The following DESI2 variants were observed in gnomAD, a reference collection of about 807,000 sequenced individuals.
DESI2 encodes the protein deubiquitinase DESI2.
DESI2 carries 10 observed loss-of-function variants against 24.1 expected under a neutral mutation model. That is an observed-to-expected ratio of 0.41 (90% CI 0.26 to 0.70). The LOEUF is 0.70. Among genes scored for constraint, DESI2 ranks in the 30% least tolerant of loss-of-function variants. The pLI, the probability that DESI2 is intolerant of heterozygous loss-of-function variation, is 0.29. For synonymous variants in DESI2, 71 were observed against 87.7 expected, an observed-to-expected ratio of 0.81 and a Z score of 1.06; for missense variants, 122 against 234.9, an observed-to-expected ratio of 0.52 and a Z score of 3.14.
At chr1:244,667,634 A>G (rs895823478) in intron 1 of DESI2, among the ~76,000 whole-genome samples, 1 of 152,244 alleles carries the variant, frequency 6.6e-6, no homozygotes, top group Non-Finnish European at 1.5e-5. Context: ...CACAAACTGC[A>G]TTACACTGCC....
At chr1:244,675,718 C>G (rs1676392710) in intron 1 of DESI2, among the ~76,000 whole-genome samples, 1 of 152,122 alleles carries the variant, frequency 6.6e-6, no homozygotes, top group Non-Finnish European at 1.5e-5. Context: ...AGTCTGAGTC[C>G]TATAACTTTT....
chr1:244,677,019 A>AT (rs1676437920), intron 1 of DESI2, among the ~76,000 whole-genome samples: 1 of 150,130 alleles, frequency 6.7e-6, no homozygotes, highest in African/African-American at 2.5e-5. Context: ...CATAATAGAT[A>AT]TTAGTCTCTG....
intron 4 of DESI2, among the ~76,000 whole-genome samples, chr1:244,704,220 G>A (rs1677601272): frequency 6.6e-6 from 1 of 152,184 alleles, no homozygotes; most frequent in Non-Finnish European, 1.5e-5. Flanking sequence ...ATAAGGTACT[G>A]TGAAACCCCT....
chr1:244,696,015 CCA>C (rs1677202760), intron 4 of DESI2, among the ~76,000 whole-genome samples: 1 of 152,242 alleles, frequency 6.6e-6, no homozygotes, highest in African/African-American at 2.4e-5. Context: ...AGCAATCCTC[CCA>C]CCTCAGCCTC....
intron 1 of DESI2, among the ~76,000 whole-genome samples, chr1:244,682,201 C>T (rs1573206685): frequency 6.6e-6 from 1 of 152,120 alleles, no homozygotes; most frequent in Non-Finnish European, 1.5e-5. Flanking sequence ...GCTTGGGTGG[C>T]CAGCTTTTAG....
intron 1 of DESI2, among the ~76,000 whole-genome samples, chr1:244,655,765 A>AG (rs1233100322): frequency 6.6e-6 from 1 of 152,238 alleles, no homozygotes; most frequent in Non-Finnish European, 1.5e-5. Flanking sequence ...TGGCAGGAAT[A>AG]GGGAAAGCGC....
chr1:244,703,864 T>C (rs759022536), intron 4 of DESI2, among the ~76,000 whole-genome samples: 4 of 152,202 alleles, frequency 2.6e-5, no homozygotes, highest in South Asian at 2.1e-4. Flanking sequence ...TTCACTGTGT[T>C]AGCCAGGATG....
intron 1 of DESI2, among the ~76,000 whole-genome samples, chr1:244,681,663 A>G (rs2806614): frequency 0.96 from 145,903 of 152,304 alleles, 70,198 homozygotes; most frequent in East Asian, 1. Context: ...TTACACCAGT[A>G]CCACTATGAA....
At chr1:244,691,838 C>A in intron 3 of DESI2, 41 bp from the exon 4 acceptor site, 2 of 1,467,602 alleles carry the variant, frequency 1.4e-6, no homozygotes, top group Non-Finnish European at 1.8e-6. Context: ...ACAACTATGT[C>A]CTTATTTTTC....
chr1:244,702,232 G>C (rs1223194142), intron 4 of DESI2, among the ~76,000 whole-genome samples: 2 of 152,198 alleles, frequency 1.3e-5, no homozygotes, highest in Non-Finnish European at 2.9e-5. Context: ...ACATTGGCTT[G>C]GCTGGGCACG....
At chr1:244,696,628 C>G (rs758349118) in intron 4 of DESI2, among the ~76,000 whole-genome samples, 3 of 152,126 alleles carry the variant, frequency 2.0e-5, no homozygotes, top group African/African-American at 4.8e-5. Flanking sequence ...TTTCTTCCCC[C>G]CTTTACTTGT....
intron 1 of DESI2, among the ~76,000 whole-genome samples, chr1:244,668,121 A>G (rs531208331): frequency 6.6e-6 from 1 of 152,230 alleles, no homozygotes; most frequent in Non-Finnish European, 1.5e-5. Flanking sequence ...AGGATTGTGA[A>G]TTAATCATCT....
At chr1:244,699,054 C>A (rs1037378659) in intron 4 of DESI2, among the ~76,000 whole-genome samples, 8 of 152,138 alleles carry the variant, frequency 5.3e-5, no homozygotes, top group Non-Finnish European at 1.2e-4. Context: ...AGTGGACTTA[C>A]CAGTTTGCCA....
intron 4 of DESI2, among the ~76,000 whole-genome samples, chr1:244,703,884 T>C (rs1480335550): frequency 1.3e-5 from 2 of 152,040 alleles, no homozygotes; most frequent in Non-Finnish European, 2.9e-5. Flanking sequence ...GGTCTCGATC[T>C]CCTGACCTCA....
intron 1 of DESI2, among the ~76,000 whole-genome samples, chr1:244,654,740 C>T (rs1397473297): frequency 6.6e-6 from 1 of 152,214 alleles, no homozygotes; most frequent in East Asian, 1.9e-4. Flanking sequence ...TTGTGTTCAG[C>T]TGAACACCTT....
At chr1:244,690,646 G>T (rs916657115) in intron 3 of DESI2, among the ~76,000 whole-genome samples, 2 of 151,692 alleles carry the variant, frequency 1.3e-5, no homozygotes, top group Non-Finnish European at 2.9e-5. Context: ...CAGAGGATGC[G>T]GTGAGCTGAG....
At chr1:244,666,721 T>C (rs1047962700) in intron 1 of DESI2, among the ~76,000 whole-genome samples, 3 of 152,196 alleles carry the variant, frequency 2.0e-5, no homozygotes, top group African/African-American at 7.2e-5. Context: ...CACTCTGTAG[T>C]GACCCTGAGG....
intron 3 of DESI2, among the ~76,000 whole-genome samples, chr1:244,690,728 G>T (rs2148809220): frequency 6.6e-6 from 1 of 150,642 alleles, no homozygotes; most frequent in South Asian, 2.1e-4. Context: ...AAAAAAAAGT[G>T]ATATTTAGAA....
Position 244,701,969 on chromosome 1 carries a change from C to G in DESI2, c.352-3587C>G, listed in dbSNP as rs549305409. Among the ~76,000 whole-genome samples the G allele has an allele frequency of 3.3e-5, 5 of 152,254 alleles. No individual in the cohort carries two copies. In the South Asian group the frequency reaches 1.0e-3, roughly 32 times the overall value. ...TTATTTTTACCACTATATGTGTACG[C>G]TTGATTTTCTAGAAGAGGGATTGCT... On this transcript the variant is annotated intron_variant, in intron 4 of 4. Transcript: ENST00000302550.
Sources: gnomAD v4.1 joint callset for allele counts (sites outside exome capture counted in the v4.1 genomes callset) on GRCh38, gnomAD v4.1.1 for gene constraint, MANE v1.5 for transcripts, NCBI Gene and HGNC (gene_info 2026-07-23, HGNC 2026-07-21) for gene names.